UNC13C: variants seen among roughly 807,000 people sequenced by gnomAD.
UNC13C encodes unc-13 homolog C.
UNC13C carries 174 observed loss-of-function variants against 245.4 expected under a neutral mutation model. The observed-to-expected ratio is 0.71, with a 90% confidence interval of 0.63 to 0.80. The LOEUF is 0.80. Among genes scored for constraint, UNC13C ranks in the 30% least tolerant of loss-of-function variants. The pLI, the probability that UNC13C is intolerant of heterozygous loss-of-function variation, is 0.00. For missense variants in UNC13C, 2,829 were observed against 2,602.9 expected (o/e 1.09, Z -1.89); for synonymous variants, 992 against 895.1 (o/e 1.11, Z -1.93).
chr15:54,105,433 A>G (rs922658046), intron 2 of UNC13C, among the ~76,000 whole-genome samples: 36 of 152,166 alleles, frequency 2.4e-4, no homozygotes, highest in Admixed American at 2.3e-3. Flanking sequence ...AACTGCCCAC[A>G]TTAGACCCTT....
chr15:54,321,398 A>G (rs777463027), intron 13 of UNC13C: 40 of 493,966 alleles, frequency 8.1e-5, no homozygotes, highest in Non-Finnish European at 1.4e-4. Flanking sequence ...GTCTTTGAGA[A>G]TCTTCTCTTG....
At chr15:54,604,019 G>T (rs1238439831) in intron 30 of UNC13C, among the ~76,000 whole-genome samples, 1 of 151,994 alleles carries the variant, frequency 6.6e-6, no homozygotes, top group Non-Finnish European at 1.5e-5. Context: ...GATATCCTCT[G>T]GTTTCACATG....
chr15:54,526,056 T>TGGTTG (rs2141139345), intron 25 of UNC13C, among the ~76,000 whole-genome samples: 1 of 152,312 alleles, frequency 6.6e-6, no homozygotes, highest in East Asian at 1.9e-4. Flanking sequence ...ACCATGCATA[T>TGGTTG]CAGTGTGGTT....
chr15:54,156,149 A>G (rs1171715319), intron 4 of UNC13C, among the ~76,000 whole-genome samples: 3 of 152,198 alleles, frequency 2.0e-5, no homozygotes, highest in African/African-American at 7.2e-5. Context: ...AGATTGTATG[A>G]TTTTCATTAA....
In UNC13C at chr15:54,014,101, A is replaced by G. The variant is rs747332316; in HGVS notation, c.1198A>G (p.Thr400Ala). The G allele has an allele frequency of 7.4e-6, 12 of 1,613,738 alleles. No individual in the cohort carries two copies. The South Asian group carries it at 1.2e-4, about 16-fold the overall frequency. ...VLKKSYKLKGTGIGISTDILT... is the reference protein window; with the variant it reads ...VLKKSYKLKGAGIGISTDILT... ...AAAAAAGTCATATAAACTCAAAGGAACAGGCATTGGAATCTCAACAGATAT... is the reference window on the plus strand; with the variant it reads ...AAAAAAGTCATATAAACTCAAAGGAGCAGGCATTGGAATCTCAACAGATAT... The change falls in exon 2 of 33, where the codon ACA (threonine) becomes GCA (alanine). Residue 400 changes from threonine to alanine, a missense_variant. Transcript: ENST00000260323.
At chr15:53,916,957 A>T in the UNC13C span, among the ~76,000 whole-genome samples, 1 of 152,192 alleles carries the variant, frequency 6.6e-6, no homozygotes, top group East Asian at 1.9e-4. Context: ...ACAATGTTAC[A>T]GGTTCTTTGA....
chr15:53,992,313 T>C (rs1894428046), intron 1 of UNC13C, among the ~76,000 whole-genome samples: 2 of 152,082 alleles, frequency 1.3e-5, no homozygotes, highest in Non-Finnish European at 2.9e-5. Flanking sequence ...CTTCAATATA[T>C]AGCCTTTCTC....
the UNC13C span, among the ~76,000 whole-genome samples, chr15:53,869,603 G>A: frequency 7.9e-5 from 12 of 152,126 alleles, no homozygotes; most frequent in African/African-American, 1.9e-4. Flanking sequence ...GGGCTGTCCC[G>A]CAGACCCTGA....
chr15:54,100,918 A>G (rs1002137410), intron 2 of UNC13C, among the ~76,000 whole-genome samples: 3 of 152,004 alleles, frequency 2.0e-5, no homozygotes, highest in Non-Finnish European at 2.9e-5. Context: ...TTACAAATAC[A>G]TTGACTGAGG....
intron 2 of UNC13C, among the ~76,000 whole-genome samples, chr15:54,119,022 G>A (rs531643365): frequency 2.0e-5 from 3 of 150,552 alleles, no homozygotes; most frequent in Admixed American, 6.6e-5. Context: ...GAGTTTGGAA[G>A]TATTCCCTCC....
At chr15:54,207,129 G>GAT (rs1456722569) in intron 4 of UNC13C, among the ~76,000 whole-genome samples, 4,469 of 148,814 alleles carry the variant, frequency 0.03, 210 homozygotes, top group African/African-American at 0.1. Flanking sequence ...TGATGATGAT[G>GAT]GTGATGATGA....
chr15:53,849,758 AC>A, the UNC13C span, among the ~76,000 whole-genome samples: 1 of 152,120 alleles, frequency 6.6e-6, no homozygotes, highest in Non-Finnish European at 1.5e-5. Flanking sequence ...TGGAAGGGCA[AC>A]CCTTGTGCTT....
intron 25 of UNC13C, among the ~76,000 whole-genome samples, chr15:54,526,513 C>T (rs1265123987): frequency 1.3e-5 from 2 of 151,892 alleles, no homozygotes; most frequent in Non-Finnish European, 2.9e-5. Flanking sequence ...AGGTGGATCA[C>T]GAGGTCAGGA....
intron 2 of UNC13C, among the ~76,000 whole-genome samples, chr15:54,030,323 C>T (rs556065029): frequency 3.3e-5 from 5 of 152,200 alleles, no homozygotes; most frequent in South Asian, 2.1e-4. Flanking sequence ...ACTTAGTTAA[C>T]GCCCCTTAAG....
the UNC13C span, among the ~76,000 whole-genome samples, chr15:53,943,000 T>C: frequency 1.2e-4 from 19 of 152,338 alleles, no homozygotes; most frequent in African/African-American, 4.6e-4. Flanking sequence ...ATTTATGAAA[T>C]CTTTCTTTTC....
chr15:54,339,623 G>T (rs1005872463), intron 17 of UNC13C, among the ~76,000 whole-genome samples: 9 of 147,700 alleles, frequency 6.1e-5, no homozygotes, highest in African/African-American at 1.8e-4. Flanking sequence ...CTGAATAGTA[G>T]TATTCCATTA....
chr15:54,287,553 A>G lies in UNC13C; in HGVS notation c.3819-6342A>G, dbSNP rs1319449385. ...CAGATATAAGTATGGTAACTCAATTATCCCTTCAAAGAACAAAGCTTATTT... is the reference window on the plus strand; with the variant it reads ...CAGATATAAGTATGGTAACTCAATTGTCCCTTCAAAGAACAAAGCTTATTT... On this transcript the variant is annotated intron_variant, in intron 10 of 32. Coordinates refer to ENST00000260323, the MANE Select transcript of UNC13C (RefSeq NM_001080534.3). 2.6e-5 allele frequency among the ~76,000 whole-genome samples: 4 copies of G among 152,324 alleles called. No homozygotes were observed. The East Asian group carries it at 5.8e-4, about 22-fold the overall frequency.
intron 2 of UNC13C, among the ~76,000 whole-genome samples, chr15:54,089,727 T>C (rs1899457477): frequency 6.6e-6 from 1 of 151,734 alleles, no homozygotes; most frequent in Non-Finnish European, 1.5e-5. Flanking sequence ...ACTTCACCTT[T>C]GGATTCAGAA....
intron 5 of UNC13C, 123 bp downstream of exon 5, chr15:54,235,231 C>A: frequency 1.5e-6 from 1 of 666,308 alleles, no homozygotes; most frequent in South Asian, 2.1e-5. Context: ...ATATATGAGG[C>A]CAGATGCTAC....
Sources: allele counts gnomAD v4.1 joint callset (sites outside exome capture counted in the v4.1 genomes callset), GRCh38; gene constraint gnomAD v4.1.1; transcripts MANE v1.5; gene names NCBI Gene and HGNC (gene_info 2026-07-23, HGNC 2026-07-21).